RIMKLB: variants seen among roughly 807,000 people sequenced by gnomAD.
RIMKLB encodes the protein beta-citrylglutamate synthase B.
In RIMKLB, 7 loss-of-function variants were observed where a neutral mutation model predicts 32.0. The observed-to-expected ratio is 0.22, with a 90% CI of 0.12 to 0.41. RIMKLB has a LOEUF of 0.41. Among genes scored for constraint, RIMKLB ranks in the 10% least tolerant of loss-of-function variants. The probability of loss-of-function intolerance (pLI) is 1.00; values close to 1 mark genes in which losing one functional copy is unlikely to be tolerated. For synonymous variants in RIMKLB, 172 were observed against 185.1 expected, an observed-to-expected ratio of 0.93 and a Z score of 0.57; for missense variants, 289 against 498.7, an observed-to-expected ratio of 0.58 and a Z score of 4.00.
At chr12:8,734,308 C>G (rs1332295040) in intron 2 of RIMKLB, among the ~76,000 whole-genome samples, 1 of 152,138 alleles carries the variant, frequency 6.6e-6, no homozygotes. Flanking sequence ...CAAAGCTGTT[C>G]ATGGGAGACA....
chr12:8,715,571 C>T (rs1223740832), intron 2 of RIMKLB, among the ~76,000 whole-genome samples: 1 of 152,088 alleles, frequency 6.6e-6, no homozygotes, highest in Admixed American at 6.5e-5. Flanking sequence ...GGATGATGCT[C>T]ACTATTTTAT....
At chr12:8,681,285 G>C (rs1942404429), upstream of RIMKLB, among the ~76,000 whole-genome samples, 1 of 152,000 alleles carries the variant, frequency 6.6e-6, no homozygotes, top group African/African-American at 2.4e-5. Context: ...TCATATACCA[G>C]TGCTTTGAGG....
In RIMKLB at chr12:8,709,195, C is replaced by T. The variant is rs200641680; in HGVS notation, c.-56-4616C>T. Among the ~76,000 whole-genome samples, 19 of 152,250 alleles carry T rather than the reference C, an allele frequency of 1.2e-4. No homozygotes were observed. The East Asian group carries it at 3.1e-3, about 25-fold the overall frequency. ...GTTTGCCATTTTATTTTATAGAGGA[C>T]TCTACTGTCTTTTAAAATAGTGAAT... On this transcript the variant is annotated intron_variant, in intron 1 of 5. Coordinates refer to ENST00000535829, the MANE Select transcript of RIMKLB (RefSeq NM_001297776.2).
rs201084850 is a variant in RIMKLB at position 8,776,736 on chromosome 12, T to C, written c.*2952T>C. On this transcript the variant is annotated 3_prime_UTR_variant, in exon 6 of 6. Transcript: ENST00000535829. ...TCTGCTGGCTTTTCTCCAATGAACATTGAAATCTTCCTGTATATGTTACCA... is the reference window on the plus strand; with the variant it reads ...TCTGCTGGCTTTTCTCCAATGAACACTGAAATCTTCCTGTATATGTTACCA... The C allele has an allele frequency of 1.0e-3, 982 of 985,362 alleles. 5 individuals carry two copies. The African/African-American group carries it at 0.015, about 15-fold the overall frequency. 61.0% of individuals were successfully genotyped at this position (985,362 alleles called of 1,614,324 possible). A position where few individuals can be genotyped will look rare whatever the true frequency, so the allele number is the denominator to read the frequency against.
chr12:8,707,627 G>T (rs1256111949), intron 1 of RIMKLB, among the ~76,000 whole-genome samples: 2 of 152,198 alleles, frequency 1.3e-5, no homozygotes, highest in African/African-American at 4.8e-5. Flanking sequence ...TAGGGGATGA[G>T]ACGGAAGGTT....
intron 5 of RIMKLB, among the ~76,000 whole-genome samples, chr12:8,754,600 T>C (rs11047080): frequency 0.033 from 5,012 of 152,274 alleles, 280 homozygotes; most frequent in African/African-American, 0.11. Context: ...GTACAGCTCA[T>C]GACTTTAAAT....
chr12:8,712,188 G>A (rs11046888), intron 1 of RIMKLB, among the ~76,000 whole-genome samples: 3,820 of 152,076 alleles, frequency 0.025, 154 homozygotes, highest in African/African-American at 0.086. Context: ...TTTTGTGCGC[G>A]TGAGACGGAA....
downstream of RIMKLB, chr12:8,780,213 G>A (rs1486190834): frequency 6.6e-6 from 1 of 152,154 alleles, no homozygotes; most frequent in Non-Finnish European, 1.5e-5. Flanking sequence ...CTTAAAATTT[G>A]TAGGAGTTGT....
intron 2 of RIMKLB, among the ~76,000 whole-genome samples, chr12:8,738,774 C>T (rs749379478): frequency 6.6e-6 from 1 of 152,220 alleles, no homozygotes; most frequent in Non-Finnish European, 1.5e-5. Context: ...GTGAGGGAAG[C>T]TCCAAGAAAT....
At chr12:8,714,269 C>A in intron 2 of RIMKLB, 1 of 407,040 alleles carries the variant, frequency 2.5e-6, no homozygotes, top group Non-Finnish European at 4.4e-6. Context: ...AACAGATAAA[C>A]AATAAAACAA....
At chr12:8,704,770 G>T (rs796414083) in intron 1 of RIMKLB, among the ~76,000 whole-genome samples, 6 of 152,064 alleles carry the variant, frequency 3.9e-5, no homozygotes, top group African/African-American at 1.4e-4. Flanking sequence ...TTTTGCTTGA[G>T]GCCAGGAGTT....
intron 1 of RIMKLB, among the ~76,000 whole-genome samples, chr12:8,702,941 A>G (rs1349743990): frequency 2.0e-5 from 3 of 152,194 alleles, no homozygotes; most frequent in Admixed American, 1.3e-4. Context: ...CTTCTGTGCC[A>G]TGTTCCAGAA....
intron 2 of RIMKLB, among the ~76,000 whole-genome samples, chr12:8,731,604 T>C (rs1385106764): frequency 6.6e-5 from 10 of 152,154 alleles, no homozygotes; most frequent in African/African-American, 2.2e-4. Context: ...ATGTCTTTAT[T>C]TGCTTTATTC....
chr12:8,672,712 A>G, the RIMKLB span, among the ~76,000 whole-genome samples: 1 of 151,982 alleles, frequency 6.6e-6, no homozygotes, highest in East Asian at 1.9e-4. Context: ...ACCAAACCAT[A>G]TCAGTTCTCA....
intron 3 of RIMKLB, 97 bp from the exon 4 acceptor site, chr12:8,751,860 A>T: frequency 3.9e-6 from 3 of 765,632 alleles, no homozygotes; most frequent in Non-Finnish European, 2.2e-6. Context: ...CTTACCTTCA[A>T]CTTCCTTGTG....
chr12:8,672,612 C>A, the RIMKLB span, among the ~76,000 whole-genome samples: 3 of 151,940 alleles, frequency 2.0e-5, no homozygotes, highest in East Asian at 5.8e-4. Context: ...ATGACCCCCC[C>A]ATGATACAAT....
the RIMKLB span, among the ~76,000 whole-genome samples, chr12:8,671,254 C>T: frequency 3.3e-5 from 5 of 151,786 alleles, no homozygotes; most frequent in East Asian, 9.7e-4. Flanking sequence ...TCTTTTCTTT[C>T]TTCTTTTTTT....
At chr12:8,742,676 G>A in intron 2 of RIMKLB, 1 of 227,344 alleles carries the variant, frequency 4.4e-6, no homozygotes. Flanking sequence ...CTCTAGGAAT[G>A]CTGGCTGGCA....
chr12:8,691,300 T>G (rs1942724503), intron 1 of RIMKLB, among the ~76,000 whole-genome samples: 1 of 152,078 alleles, frequency 6.6e-6, no homozygotes, highest in South Asian at 2.1e-4. Flanking sequence ...CAAATTTTTT[T>G]TTTTTAAAGT....
Sources: allele counts gnomAD v4.1 joint callset (sites outside exome capture counted in the v4.1 genomes callset), GRCh38; gene constraint gnomAD v4.1.1; transcripts MANE v1.5; gene names NCBI Gene and HGNC (gene_info 2026-07-23, HGNC 2026-07-21).